Variants in ATG13 observed in about 807,000 individuals in gnomAD.
The protein encoded by ATG13 is autophagy-related protein 13.
Under a neutral mutation model 65.5 loss-of-function variants are expected in ATG13, and 23 were observed. The ratio of observed to expected loss-of-function variants is 0.35; its 90% CI spans 0.25 to 0.50. The LOEUF is 0.50. Among genes scored for constraint, ATG13 ranks in the 20% least tolerant of loss-of-function variants. The pLI is 0.98. For synonymous variants in ATG13, 252 were observed against 245.2 expected (o/e 1.03, Z -0.26); for missense variants, 566 against 677.0 (o/e 0.84, Z 1.82).
intron 7 of ATG13, 36 bp downstream of exon 7, chr11:46,650,353 C>T (rs1410249802): frequency 2.0e-5 from 32 of 1,594,102 alleles, no homozygotes; most frequent in Non-Finnish European, 2.7e-5. Context: ...ATTCACTCAT[C>T]AACCCCCTCA....
chr11:46,671,162 C>T lies in ATG13; in HGVS notation c.1576-1093C>T, dbSNP rs895310550. The stretch of plus-strand genomic sequence containing the variant: ...CTCCTTTCAGGAAGCTGCACCCAAA[C>T]CACCCTCAGCTGTTGGTGTCTCCAG... On this transcript the variant is annotated intron_variant, in intron 18 of 18. Coordinates refer to ENST00000683050, the MANE Select transcript of ATG13 (RefSeq NM_001346311.2). Among the ~76,000 whole-genome samples the T allele has an allele frequency of 3.3e-5, 5 of 152,296 alleles. No homozygotes were observed. The South Asian group carries it at 1.0e-3, about 32-fold the overall frequency.
chr11:46,665,250 AG>A (rs1373260428), intron 13 of ATG13, 132 bp from the exon 14 acceptor site: 3 of 1,134,874 alleles, frequency 2.6e-6, no homozygotes, highest in Non-Finnish European at 3.8e-6. Flanking sequence ...ATAAAGATCC[AG>A]GGATTGCTGC....
chr11:46,657,098 T>C lies in ATG13; in HGVS notation c.503T>C (p.Phe168Ser). 1 of 1,613,286 alleles carries C rather than the reference T, an allele frequency of 6.2e-7. No individual in the cohort carries two copies. Residue 168 changes from phenylalanine (F) to serine (S), a missense_variant, in exon 9 of 19, where the codon TTC (phenylalanine) becomes TCC (serine). Physicochemically the swap from Phe to Ser is radical, Grantham distance 155. This residue lies in a region of ATG13 where 179 missense variants were observed against 267.2 expected (regional missense o/e 0.67). Coordinates refer to ENST00000683050, the MANE Select transcript of ATG13 (RefSeq NM_001346311.2). ...AATAATGTATCTCTTCTCCTAGGCT[T>C]CCAGACAGTTCGTGTTGGGACAGTG... Reference protein sequence around the residue: ...EVQLSGLGEGFQTVRVGTVGT... With the variant: ...EVQLSGLGEGSQTVRVGTVGT...
chr11:46,660,086 G>T (rs1360490091), intron 11 of ATG13: 1 of 152,290 alleles, frequency 6.6e-6, no homozygotes, highest in Non-Finnish European at 1.5e-5. Context: ...TGTGTAATGT[G>T]TGTGGCGCCA....
rs1272269954 is a variant in ATG13, at chr11:46,657,138, C to T, written c.543C>T (p.Gly181=). ...VRVGTVGTPV[G]TITLSCAYRI... The stretch of plus-strand genomic sequence containing the variant: ...TTGGGACAGTGGGCACCCCTGTGGG[C>T]ACCATCACTCTTTCTTGTGCTTACA... The change falls in exon 9 of 19, where the codon GGC becomes GGT. Residue 181 remains glycine, a synonymous_variant. Coordinates refer to ENST00000683050, the MANE Select transcript of ATG13 (RefSeq NM_001346311.2). The T allele has an allele frequency of 1.2e-6, 2 of 1,614,012 alleles. No homozygotes were observed. Among genetic ancestry groups the T allele is most frequent in the Non-Finnish European group, 8.5e-7 (1 of 1,180,020 alleles).
chr11:46,656,069 G>A (rs2059994242), intron 7 of ATG13, among the ~76,000 whole-genome samples, 164 bp from the exon 8 acceptor site: 1 of 152,124 alleles, frequency 6.6e-6, no homozygotes, highest in Admixed American at 6.6e-5. Context: ...CTCCATGCCT[G>A]TAGCTTAATT....
intron 11 of ATG13, 56 bp from the exon 12 acceptor site, chr11:46,663,940 CT>C: frequency 3.5e-6 from 4 of 1,158,626 alleles, no homozygotes; most frequent in South Asian, 1.4e-5. Context: ...TCTCAAGTCC[CT>C]TTTCTTTTTT....
chr11:46,654,453 G>A (rs1430682846), intron 7 of ATG13, among the ~76,000 whole-genome samples: 2 of 151,278 alleles, frequency 1.3e-5, no homozygotes, highest in Non-Finnish European at 2.9e-5. Flanking sequence ...AGGGGCAGTG[G>A]CTCACACCTG....
intron 11 of ATG13, among the ~76,000 whole-genome samples, chr11:46,661,656 AC>A (rs1309182956): frequency 1.3e-5 from 2 of 151,816 alleles, no homozygotes; most frequent in African/African-American, 2.4e-5. Flanking sequence ...ACATGGTGAA[AC>A]CCTGTCTCTA....
chr11:46,646,833 C>T (rs552751450), intron 5 of ATG13, among the ~76,000 whole-genome samples: 2 of 152,228 alleles, frequency 1.3e-5, no homozygotes, highest in Admixed American at 6.5e-5. Flanking sequence ...AATCATGGCT[C>T]ATTGCAGCCT....
chr11:46,620,104 T>C (rs79317378), intron 1 of ATG13, among the ~76,000 whole-genome samples: 27,147 of 151,626 alleles, frequency 0.18, 2,651 homozygotes, highest in African/African-American at 0.25. Context: ...TGTTGTTGTT[T>C]TTTGCAATGG....
At chr11:46,663,288 T>C (rs1023072688) in intron 11 of ATG13, among the ~76,000 whole-genome samples, 3 of 94,748 alleles carry the variant, frequency 3.2e-5, no homozygotes, top group African/African-American at 7.6e-5. Flanking sequence ...AAAAAAAAAA[T>C]GGAACAGTAA....
intron 1 of ATG13, among the ~76,000 whole-genome samples, chr11:46,622,254 A>C (rs2047977579): frequency 6.6e-6 from 1 of 151,012 alleles, no homozygotes. Flanking sequence ...TCTAGCTGGG[A>C]CTACAGGCGC....
At chr11:46,622,510 T>C (rs915374997) in intron 1 of ATG13, among the ~76,000 whole-genome samples, 6 of 152,152 alleles carry the variant, frequency 3.9e-5, no homozygotes, top group Non-Finnish European at 7.4e-5. Context: ...CTTCATGCAT[T>C]CATCATCTAA....
Position 46,657,625 on chromosome 11 carries a change from G to A in ATG13, c.695+3G>A. 1 of 1,587,922 alleles carries A rather than the reference G, an allele frequency of 6.3e-7. No homozygotes were observed. The highest frequency in any genetic ancestry group is 8.6e-7 in the Non-Finnish European group (1 of 1,166,780). On this transcript the variant is annotated splice_donor_region_variant and intron_variant, in intron 10 of 18. Coordinates refer to ENST00000683050, the MANE Select transcript of ATG13 (RefSeq NM_001346311.2). ...CCCATGCACCCCTGCAATTACAGGT[G>A]AGGAATGTGAAAAGGTGCTCTCCCA...
At chr11:46,646,587 C>T (rs1307429121) in intron 5 of ATG13, among the ~76,000 whole-genome samples, 3 of 152,048 alleles carry the variant, frequency 2.0e-5, no homozygotes, top group Non-Finnish European at 4.4e-5. Flanking sequence ...CTTTAGCCTC[C>T]CAAGTGGCTT....
chr11:46,653,530 T>G (rs1021081029), intron 7 of ATG13, among the ~76,000 whole-genome samples: 14 of 151,894 alleles, frequency 9.2e-5, no homozygotes, highest in African/African-American at 3.4e-4. Flanking sequence ...TTCAGATTTA[T>G]CCTTATTTCA....
At chr11:46,668,709 G>GT in intron 16 of ATG13, 85 bp from the exon 17 acceptor site, 1 of 1,492,360 alleles carries the variant, frequency 6.7e-7, no homozygotes, top group Non-Finnish European at 9.3e-7. Flanking sequence ...CCAGCATTAA[G>GT]TTCTTCCCAG....
chr11:46,647,656 C>A (rs2136349773), intron 5 of ATG13, among the ~76,000 whole-genome samples: 1 of 150,766 alleles, frequency 6.6e-6, no homozygotes, highest in Non-Finnish European at 1.5e-5. Context: ...ACTGCAGCCT[C>A]AAATTCCTAG....
Sources: allele counts gnomAD v4.1 joint callset (sites outside exome capture counted in the v4.1 genomes callset), GRCh38; gene constraint gnomAD v4.1.1; regional missense constraint gnomAD v4.1.1; transcripts MANE v1.5; gene names NCBI Gene and HGNC (gene_info 2026-07-23, HGNC 2026-07-21).